Variants in RNF24 observed in about 807,000 individuals in gnomAD.
The protein encoded by RNF24 is ring finger protein 24.
Under a neutral mutation model 20.0 loss-of-function variants are expected in RNF24, and 14 were observed. That is an observed-to-expected ratio of 0.70 (90% confidence interval 0.46 to 1.10). The LOEUF (loss-of-function observed/expected upper bound fraction) is 1.10. RNF24 is among the 50% of genes least tolerant of loss of function. The pLI, the probability that RNF24 is intolerant of heterozygous loss-of-function variation, is 0.00. For synonymous variants in RNF24, 45 were observed against 61.1 expected (o/e 0.74, Z 1.23); for missense variants, 124 against 177.6 (o/e 0.70, Z 1.71).
intron 1 of RNF24, among the ~76,000 whole-genome samples, chr20:4,008,390 T>TATATAA (rs1568672484): frequency 8.7e-5 from 2 of 23,046 alleles, no homozygotes; most frequent in Admixed American, 5.9e-4. Context: ...AATATATATA[T>TATATAA]TATATATGTA....
chr20:4,009,133 C>G (rs996371422), intron 1 of RNF24, among the ~76,000 whole-genome samples: 5 of 152,124 alleles, frequency 3.3e-5, no homozygotes, highest in African/African-American at 9.7e-5. Context: ...CTTCCTGGAG[C>G]TGACCTTCTA....
At chr20:3,962,375 T>C (rs1744087908) in intron 2 of RNF24, among the ~76,000 whole-genome samples, 1 of 151,922 alleles carries the variant, frequency 6.6e-6, no homozygotes, top group Non-Finnish European at 1.5e-5. Flanking sequence ...ATAATAACAA[T>C]AAAGAACTCA....
intron 1 of RNF24, among the ~76,000 whole-genome samples, chr20:4,005,616 A>C (rs1981801825): frequency 6.6e-6 from 1 of 152,226 alleles, no homozygotes; most frequent in Non-Finnish European, 1.5e-5. Flanking sequence ...GTCCAAGATA[A>C]AGAGACTATT....
intron 1 of RNF24, among the ~76,000 whole-genome samples, chr20:4,005,510 A>G (rs1286175285): frequency 1.3e-5 from 2 of 152,226 alleles, no homozygotes; most frequent in Admixed American, 1.3e-4. Context: ...AAAATGAATG[A>G]AAGCCTACAC....
At chr20:3,952,715 A>G (rs2091095817) in intron 2 of RNF24, among the ~76,000 whole-genome samples, 1 of 151,914 alleles carries the variant, frequency 6.6e-6, no homozygotes, top group African/African-American at 2.4e-5. Context: ...ATACTCTTTC[A>G]AATTTTAGAA....
At chr20:3,999,686 G>A (rs1015390288) in intron 1 of RNF24, among the ~76,000 whole-genome samples, 10 of 152,122 alleles carry the variant, frequency 6.6e-5, no homozygotes, top group Non-Finnish European at 1.5e-4. Context: ...CCCAGGAGGC[G>A]GAGGTTGCAG....
chr20:3,988,377 T>C (rs1980117285), intron 1 of RNF24, among the ~76,000 whole-genome samples: 1 of 151,426 alleles, frequency 6.6e-6, no homozygotes, highest in Non-Finnish European at 1.5e-5. Context: ...GTCCAGTAAC[T>C]GGAATAAACA....
Position 3,965,793 on chromosome 20 carries a change from C to A in RNF24, c.-7-1769G>T, listed in dbSNP as rs1237116276. On this transcript the variant is annotated intron_variant, in intron 1 of 5. Coordinates refer to ENST00000358395, the MANE Select transcript of RNF24 (RefSeq NM_001134337.3). ...CTGTCCTTTAATCCCTTAGAAATAT[C>A]CCTCCCCAGACAAGACTGGCTTGGT... is the stretch of plus-strand genomic sequence containing the variant. Among the ~76,000 whole-genome samples, 3 of 152,022 alleles carry A rather than the reference C, an allele frequency of 2.0e-5. No homozygotes were observed. The East Asian group carries it at 5.8e-4, about 29-fold the overall frequency.
chr20:3,943,947 C>G (rs931149754), intron 4 of RNF24, among the ~76,000 whole-genome samples: 1 of 152,126 alleles, frequency 6.6e-6, no homozygotes, highest in Non-Finnish European at 1.5e-5. Context: ...CCGTGGCTCA[C>G]GCTTGTAATC....
intron 1 of RNF24, among the ~76,000 whole-genome samples, chr20:4,011,479 G>A (rs933226452): frequency 7.9e-6 from 1 of 127,362 alleles, no homozygotes; most frequent in African/African-American, 2.5e-5. Context: ...TGATGGCTAT[G>A]CAGTAGTCCA....
rs1009284458 is a variant in RNF24, at chr20:3,928,784, TGGG to T, written c.*5276_*5278del. 1 of 139,020 alleles carries T rather than the reference TGGG, an allele frequency of 7.2e-6. No homozygotes were observed. Among genetic ancestry groups the T allele is most frequent in the African/African-American group, 2.6e-5 (1 of 37,768 alleles). The allele number at this position is 139,020 out of a possible 1,614,324, so 8.6% of individuals were successfully genotyped here. A position where few individuals can be genotyped will look rare whatever the true frequency, so the allele number is the denominator to read the frequency against. On this transcript the variant is annotated 3_prime_UTR_variant, in exon 6 of 6. Coordinates refer to ENST00000358395, the MANE Select transcript of RNF24 (RefSeq NM_001134337.3). ...AAAAAAAAAAAAAAAAAAAAATTGT[TGGG>T]GTAATTTCTGTTGTCAAATGGAAAA...
rs1345959594 is a variant in RNF24 at position 3,963,883 on chromosome 20, G to C, written c.135C>G (p.Tyr45Ter). 1 of 1,576,422 alleles carries C rather than the reference G, an allele frequency of 6.3e-7. No homozygotes were observed. Among genetic ancestry groups the C allele is most frequent in the Admixed American group, 1.8e-5 (1 of 55,296 alleles). ...VFILSLLFCC[Y>*]LIRLRHQAHK... is the part of the protein sequence containing the mutation. ...GAATGAAAATTGGTTACCTAATCAA[G>C]TAGCAACAGAAGAGTAAACTAAGGA... The change falls in exon 2 of 6, where the codon TAC (tyrosine) becomes TAG (stop). Residue 45 changes from tyrosine (Y) to a stop codon, truncating the protein, a stop_gained. Transcript: ENST00000358395. LOFTEE classifies it high-confidence loss of function.
chr20:4,010,547 GT>G (rs1982378860), intron 1 of RNF24, among the ~76,000 whole-genome samples: 1 of 152,064 alleles, frequency 6.6e-6, no homozygotes, highest in Admixed American at 6.5e-5. Flanking sequence ...GCTCAAGTTA[GT>G]TTCTTTTTGG....
Position 3,928,747 on chromosome 20 carries a change from C to CCAA in RNF24, c.*5315_*5316insTTG, listed in dbSNP as rs2090768713. ...TGGGTGACAGAGCGAGACTCCGTCT[C>CCAA]AAAAAAAAAAAAAAAAAAAAAAAAA... On this transcript the variant is annotated 3_prime_UTR_variant, in exon 6 of 6. Coordinates refer to ENST00000358395, the MANE Select transcript of RNF24 (RefSeq NM_001134337.3). 1.8e-5 allele frequency: 1 copy of CCAA among 56,840 alleles called. No homozygotes were observed. The highest frequency in any genetic ancestry group is 5.6e-5 in the African/African-American group (1 of 17,804). The allele number at this position is 56,840 out of a possible 1,614,324, so 3.5% of individuals were successfully genotyped here.
rs559350498 is a variant in RNF24, at chr20:3,941,675, C to T, written c.228+3502G>A. 5.9e-5 allele frequency among the ~76,000 whole-genome samples: 9 copies of T among 152,194 alleles called. No individual in the cohort carries two copies. The South Asian group carries it at 1.5e-3, about 25-fold the overall frequency. The stretch of plus-strand genomic sequence containing the variant: ...TTGCACTGAATGTAAATGATCTATA[C>T]ATACCAATTAAAAGACATATTGGCA... On this transcript the variant is annotated intron_variant, in intron 4 of 5. Coordinates refer to ENST00000358395, the MANE Select transcript of RNF24 (RefSeq NM_001134337.3).
intron 1 of RNF24, among the ~76,000 whole-genome samples, chr20:3,985,590 G>GTGC (rs1338845211): frequency 2.6e-5 from 4 of 151,842 alleles, no homozygotes; most frequent in Non-Finnish European, 5.9e-5. Flanking sequence ...CCAGCCTGAG[G>GTGC]TGCTATCTTT....
intron 1 of RNF24, among the ~76,000 whole-genome samples, chr20:4,005,713 T>C (rs538296576): frequency 2.0e-5 from 3 of 152,290 alleles, no homozygotes; most frequent in Admixed American, 6.5e-5. Flanking sequence ...AATAAAGAGA[T>C]ACAGGTAGCT....
In RNF24 at chr20:4,014,739, G is replaced by GCACACACACA. The variant is rs146278311; in HGVS notation, c.-8+688_-8+697dup. 2.1e-3 allele frequency among the ~76,000 whole-genome samples: 308 copies of GCACACACACA among 143,778 alleles called. 2 individuals are homozygous for GCACACACACA. Among genetic ancestry groups the GCACACACACA allele is most frequent in the South Asian group, 7.4e-3 (32 of 4,340 alleles). The allele number at this position is 143,778 out of a possible 152,430, so 94.3% of individuals were successfully genotyped here. ...ATAGATGTCCCTTTCACTTGAATGC[G>GCACACACACA]CACACACACACACACACACACACAC... On this transcript the variant is annotated intron_variant, in intron 1 of 5. Coordinates refer to ENST00000358395, the MANE Select transcript of RNF24 (RefSeq NM_001134337.3).
chr20:3,945,593 T>C (rs2091006594), intron 3 of RNF24, among the ~76,000 whole-genome samples: 2 of 151,776 alleles, frequency 1.3e-5, no homozygotes, highest in South Asian at 4.1e-4. Context: ...CGCCTGCCTA[T>C]AATCCCAGCT....
Sources: allele counts gnomAD v4.1 joint callset (sites outside exome capture counted in the v4.1 genomes callset), GRCh38; gene constraint gnomAD v4.1.1; transcripts MANE v1.5; gene names NCBI Gene and HGNC (gene_info 2026-07-23, HGNC 2026-07-21).